The following SELPLG variants were observed in gnomAD, a reference collection of about 807,000 sequenced individuals.
SELPLG encodes the protein selectin P ligand.
SELPLG carries 2 observed loss-of-function variants against 1.1 expected under a neutral mutation model. That is an observed-to-expected ratio of 1.82 (90% confidence interval 0.74 to 5.71). The LOEUF is 5.71. Among genes scored for constraint, SELPLG ranks in the 30% most tolerant of loss-of-function variants. SELPLG has a pLI of 0.05. For synonymous variants in SELPLG, 230 were observed against 221.2 expected, an observed-to-expected ratio of 1.04 and a Z score of -0.35; for missense variants, 478 against 524.7, an observed-to-expected ratio of 0.91 and a Z score of 0.87.
chr12:108,628,543 C>T (rs2031982933), intron 1 of SELPLG: 1 of 152,248 alleles, frequency 6.6e-6, no homozygotes, highest in South Asian at 2.1e-4. Flanking sequence ...CTACCAACCC[C>T]CACTTGGGCA....
At position 108,623,254 on chromosome 12, in the gene SELPLG, A is replaced by G. The variant is rs769493660; in HGVS notation, c.1054T>C (p.Tyr352His). The G allele has an allele frequency of 6.2e-7, 1 of 1,614,058 alleles. No individual in the cohort carries two copies. Among genetic ancestry groups the G allele is most frequent in the Admixed American group, 1.7e-5 (1 of 60,020 alleles). ...GTGGGGGAGTAATTACGCACGGGGTACATGTGGCCCTTGCGGGAGAGGCGG... is the reference window on the plus strand; with the variant it reads ...GTGGGGGAGTAATTACGCACGGGGTGCATGTGGCCCTTGCGGGAGAGGCGG... ...AVRLSRKGHM[Y>H]PVRNYSPTEM... The change falls in exon 2 of 2, where the codon TAC (tyrosine) becomes CAC (histidine). Residue 352 changes from tyrosine (Y) to histidine (H), a missense_variant. Tyr to His is a moderately conservative substitution (Grantham distance 83). Transcript: ENST00000550948.
intron 1 of SELPLG, chr12:108,631,928 G>C (rs1482902259): frequency 6.5e-7 from 1 of 1,535,560 alleles, no homozygotes; most frequent in Admixed American, 2.0e-5. Context: ...AGCAAAGGAA[G>C]CCGAGACACA....
In SELPLG at chr12:108,626,753, G is replaced by A. The variant is rs111675497; in HGVS notation, c.-5-2441C>T. ...TGGCCTCAAGCAATCCTCCTGCCTC[G>A]GCCTCTCAAAGCACTGAGATTATAG... On this transcript the variant is annotated intron_variant, in intron 1 of 1. Coordinates refer to ENST00000550948, the MANE Select transcript of SELPLG (RefSeq NM_003006.4). 5.1e-4 allele frequency among the ~76,000 whole-genome samples: 77 copies of A among 151,326 alleles called. 4 individuals carry two copies. Among genetic ancestry groups the A allele is most frequent in the African/African-American group, 1.7e-3 (68 of 41,192 alleles).
Position 108,624,101 on chromosome 12 carries a change from G to A in SELPLG, c.207C>T (p.Thr69=). Residue 69 remains threonine (T), a synonymous_variant, in exon 2 of 2, where the codon ACC becomes ACT. Transcript: ENST00000550948. The part of the protein sequence containing the change: ...PPEMLRNSTD[T]TPLTGPGTPE... ...GGGTTCCAGGCCCAGTCAGAGGAGT[G>A]GTGTCAGTGCTGTTCCTCAGCATTT... is the stretch of plus-strand genomic sequence containing the variant. 1 of 1,614,194 alleles carries A rather than the reference G, an allele frequency of 6.2e-7. No homozygotes were observed. Among genetic ancestry groups the A allele is most frequent in the East Asian group, 2.2e-5 (1 of 44,890 alleles).
chr12:108,633,263 G>A (rs1222337130), intron 1 of SELPLG, among the ~76,000 whole-genome samples: 2 of 152,202 alleles, frequency 1.3e-5, no homozygotes, highest in Non-Finnish European at 2.9e-5. Flanking sequence ...TCAGCACTTT[G>A]GGAGGCCAAC....
chr12:108,623,459 G>A lies in SELPLG; in HGVS notation c.849C>T (p.Phe283=). The change falls in exon 2 of 2, where the codon TTC becomes TTT. Residue 283 remains phenylalanine, a synonymous_variant. Coordinates refer to ENST00000550948, the MANE Select transcript of SELPLG (RefSeq NM_003006.4). ...TAACAGAGGACACAGAAAAGGGTAT[G>A]AACAGACCTCTTTTGGTAGTAGGTT... ...SMEPTTKRGL[F]IPFSVSSVTH... is the part of the protein sequence containing the mutation. 1 of 1,614,276 alleles carries A rather than the reference G, an allele frequency of 6.2e-7. No individual in the cohort carries two copies.
intron 1 of SELPLG, among the ~76,000 whole-genome samples, chr12:108,629,988 C>A (rs1158738019): frequency 6.6e-6 from 1 of 152,244 alleles, no homozygotes. Flanking sequence ...TCTAACGGTG[C>A]CATCACACTG....
At position 108,633,778 on chromosome 12, in the gene SELPLG, G is replaced by A. The variant is rs2136775035; in HGVS notation, c.-44C>T. ...AGAGCATGGGACAGCTGCCTCGTGG[G>A]CCCAGAAGAAGTGGCTTCTCTGCTT... On this transcript the variant is annotated 5_prime_UTR_variant, in exon 1 of 2. Coordinates refer to ENST00000550948, the MANE Select transcript of SELPLG (RefSeq NM_003006.4). 6.6e-6 allele frequency: 1 copy of A among 152,398 alleles called. No individual in the cohort carries two copies. The highest frequency in any genetic ancestry group is 2.1e-4 in the South Asian group (1 of 4,824). 9.4% of individuals were successfully genotyped at this position (152,398 alleles called of 1,614,324 possible). A position where few individuals can be genotyped will look rare whatever the true frequency, so the allele number is the denominator to read the frequency against.
chr12:108,623,572 G>A lies in SELPLG; in HGVS notation c.736C>T (p.Pro246Ser), dbSNP rs8179142. 8.4e-4 allele frequency: 1,354 copies of A among 1,613,628 alleles called. 10 individuals are homozygous for A. The African/African-American group carries it at 0.016, about 19-fold the overall frequency. ...PEATEAQTTQPTATEAQTTPL... is the reference protein window; with the variant it reads ...PEATEAQTTQSTATEAQTTPL... ...GTGGTCTGTGCCTCCGTGGCTGTGGGTTGAGTGGTCTGTGCCTCCGTGGCT... is the reference window on the plus strand; with the variant it reads ...GTGGTCTGTGCCTCCGTGGCTGTGGATTGAGTGGTCTGTGCCTCCGTGGCT... The change falls in exon 2 of 2, where the codon CCC becomes TCC. Residue 246 changes from proline to serine, a missense_variant. Coordinates refer to ENST00000550948, the MANE Select transcript of SELPLG (RefSeq NM_003006.4).
chr12:108,630,672 G>GAAT (rs1263217931), intron 1 of SELPLG, among the ~76,000 whole-genome samples: 4 of 152,268 alleles, frequency 2.6e-5, no homozygotes, highest in Non-Finnish European at 5.9e-5. Flanking sequence ...TCCTTAGCTG[G>GAAT]AATACAAGGA....
rs2031846683 is a variant in SELPLG at position 108,622,870 on chromosome 12, G to A, written c.*199C>T. 1.9e-6 allele frequency: 1 copy of A among 516,420 alleles called. No homozygotes were observed. The highest frequency in any genetic ancestry group is 1.9e-5 in the African/African-American group (1 of 52,418). 32.0% of individuals were successfully genotyped at this position (516,420 alleles called of 1,614,324 possible). On this transcript the variant is annotated 3_prime_UTR_variant, in exon 2 of 2. Coordinates refer to ENST00000550948, the MANE Select transcript of SELPLG (RefSeq NM_003006.4). ...GGGCTTCATCCGCGGAGGGAGGAAA[G>A]AGGTGGCTCCACTTGCCCGTCTGCT...
rs1017121537 is a variant in SELPLG, at chr12:108,627,029, G to A, written c.-5-2717C>T. ...CAAGGCAGGAGAATTGCTTGAACCT[G>A]GGAGCCAGAGGTTGCAGTGAGCCAA... On this transcript the variant is annotated intron_variant, in intron 1 of 1. Coordinates refer to ENST00000550948, the MANE Select transcript of SELPLG (RefSeq NM_003006.4). Among the ~76,000 whole-genome samples, 5 of 152,228 alleles carry A rather than the reference G, an allele frequency of 3.3e-5. No homozygotes were observed. The East Asian group carries it at 9.6e-4, about 29-fold the overall frequency.
chr12:108,630,324 C>T (rs541145820), intron 1 of SELPLG, among the ~76,000 whole-genome samples: 4 of 152,350 alleles, frequency 2.6e-5, no homozygotes, highest in South Asian at 4.1e-4. Context: ...GCCGTGTGGC[C>T]GCCCTGAGCT....
intron 1 of SELPLG, among the ~76,000 whole-genome samples, chr12:108,628,054 C>G (rs552806573): frequency 6.6e-6 from 1 of 152,040 alleles, no homozygotes; most frequent in South Asian, 2.1e-4. Flanking sequence ...GCACCCCAGC[C>G]TGGGTGACAA....
Position 108,623,399 on chromosome 12 carries a change from C to A in SELPLG, c.909G>T (p.Leu303Phe). ...HKGIPMAASN[L>F]SVNYPVGAPD... ...GGGCCCCCACTGGGTAGTTGACGGACAAATTGCTGGCTGCCATGGGAATGC... is the reference window on the plus strand; with the variant it reads ...GGGCCCCCACTGGGTAGTTGACGGAAAAATTGCTGGCTGCCATGGGAATGC... The change falls in exon 2 of 2, where the codon TTG (leucine) becomes TTT (phenylalanine). Residue 303 changes from leucine (L) to phenylalanine (F), a missense_variant. Coordinates refer to ENST00000550948, the MANE Select transcript of SELPLG (RefSeq NM_003006.4). 1 of 1,614,238 alleles carries A rather than the reference C, an allele frequency of 6.2e-7. No individual in the cohort carries two copies. Among genetic ancestry groups the A allele is most frequent in the Non-Finnish European group, 8.5e-7 (1 of 1,180,046 alleles).
intron 1 of SELPLG, among the ~76,000 whole-genome samples, chr12:108,632,772 T>C (rs1435793731): frequency 6.6e-6 from 1 of 152,108 alleles, no homozygotes; most frequent in African/African-American, 2.4e-5. Context: ...TGCCTCGGCC[T>C]CCCAAAGGGC....
intron 1 of SELPLG, among the ~76,000 whole-genome samples, chr12:108,629,971 C>A (rs2032015534): frequency 6.6e-6 from 1 of 152,242 alleles, no homozygotes; most frequent in Non-Finnish European, 1.5e-5. Context: ...CCCCTGTGTT[C>A]ACTGGCTCTA....
chr12:108,624,238 A>G lies in SELPLG; in HGVS notation c.70T>C (p.Trp24Arg). 1.2e-6 allele frequency: 2 copies of G among 1,614,202 alleles called. No homozygotes were observed. Among genetic ancestry groups the G allele is most frequent in the Non-Finnish European group, 1.7e-6 (2 of 1,180,020 alleles). Residue 24 changes from tryptophan (W) to arginine (R), a missense_variant, in exon 2 of 2, where the codon TGG becomes CGG. By Grantham distance (101) the Trp-to-Arg change is moderately radical (BLOSUM62 -3). Coordinates refer to ENST00000550948, the MANE Select transcript of SELPLG (RefSeq NM_003006.4). ...PGNSLQLWDT[W>R]ADEAEKALGP... ...AAGGCTTTCTCGGCTTCATCTGCCC[A>G]GGTGTCCCACAGCTGCAAGCTGTTG...
intron 1 of SELPLG, chr12:108,631,926 A>C (rs1291045254): frequency 3.3e-6 from 5 of 1,535,566 alleles, no homozygotes; most frequent in Non-Finnish European, 4.4e-6. Context: ...TCAGCAAAGG[A>C]AGCCGAGACA....
Sources: allele counts gnomAD v4.1 joint callset (sites outside exome capture counted in the v4.1 genomes callset), GRCh38; gene constraint gnomAD v4.1.1; transcripts MANE v1.5; gene names NCBI Gene and HGNC (gene_info 2026-07-23, HGNC 2026-07-21).